The following OSBPL1A variants were observed in gnomAD, a reference collection of about 807,000 sequenced individuals.
OSBPL1A encodes the protein oxysterol-binding protein-related protein 1.
A neutral mutation model predicts 137.1 loss-of-function variants in OSBPL1A; 80 were observed. The observed-to-expected ratio is 0.58, with a 90% CI of 0.49 to 0.70. OSBPL1A has a LOEUF of 0.70. Among genes scored for constraint, OSBPL1A ranks in the 30% least tolerant of loss-of-function variants. The probability of loss-of-function intolerance (pLI) is 0.00; values close to 1 mark genes in which losing one functional copy is unlikely to be tolerated. For synonymous variants in OSBPL1A, 365 were observed against 389.7 expected (o/e 0.94, Z 0.75); for missense variants, 970 against 1,129.4 (o/e 0.86, Z 2.02).
intron 14 of OSBPL1A, among the ~76,000 whole-genome samples, chr18:24,301,547 C>G (rs913046714): frequency 6.6e-6 from 1 of 152,160 alleles, no homozygotes; most frequent in Non-Finnish European, 1.5e-5. Context: ...TTTAAAAGCT[C>G]AATGACAGTC....
chr18:24,164,958 G>C (rs1275144722), intron 27 of OSBPL1A, 107 bp downstream of exon 27: 3 of 1,117,922 alleles, frequency 2.7e-6, no homozygotes, highest in African/African-American at 3.1e-5. Context: ...CAGGGTTTGT[G>C]TTAGATAGGC....
chr18:24,234,969 G>T (rs892547350), intron 16 of OSBPL1A, among the ~76,000 whole-genome samples: 2 of 152,144 alleles, frequency 1.3e-5, no homozygotes, highest in African/African-American at 4.8e-5. Flanking sequence ...CTGAGGCCTG[G>T]AGGAGGCACT....
Position 24,165,122 on chromosome 18 carries a change from T to C in OSBPL1A, c.2693A>G (p.Glu898Gly). The change falls in exon 27 of 28, where the codon GAA becomes GGA. Residue 898 changes from glutamate (E) to glycine (G), a missense_variant. Glu to Gly is a moderately conservative substitution (Grantham distance 98, BLOSUM62 -2). Around this residue, in one of 2 missense-constraint regions of OSBPL1A, gnomAD observed 323 missense variants for 456.8 expected, o/e 0.71. Coordinates refer to ENST00000319481, the MANE Select transcript of OSBPL1A (RefSeq NM_080597.4). ...GTTTTTGCGGGCTGCTCTTTGTTTT[T>C]CCTCAAGTCGTTTTTTTTCTTCACT... ...QASEEKKRLE[E>G]KQRAARKNRS... The C allele has an allele frequency of 6.2e-7, 1 of 1,614,212 alleles. No homozygotes were observed. Among genetic ancestry groups the C allele is most frequent in the South Asian group, 1.1e-5 (1 of 91,088 alleles).
intron 4 of OSBPL1A, among the ~76,000 whole-genome samples, chr18:24,346,239 C>A (rs529671475): frequency 1.3e-5 from 2 of 152,298 alleles, no homozygotes; most frequent in South Asian, 4.1e-4. Flanking sequence ...GTCACCATCA[C>A]ACAAGTCATC....
intron 15 of OSBPL1A, among the ~76,000 whole-genome samples, chr18:24,260,871 CAT>C (rs2089431063): frequency 6.7e-6 from 1 of 148,350 alleles, no homozygotes; most frequent in South Asian, 2.1e-4. Context: ...ATGCATTTAT[CAT>C]ATGACCTATG....
intron 16 of OSBPL1A, among the ~76,000 whole-genome samples, chr18:24,231,062 AG>A (rs1483372431): frequency 6.6e-6 from 1 of 152,182 alleles, no homozygotes; most frequent in Non-Finnish European, 1.5e-5. Context: ...ACTGGGCAAC[AG>A]AGCGAGACCC....
At chr18:24,279,395 C>A (rs1246716221) in intron 15 of OSBPL1A, among the ~76,000 whole-genome samples, 1 of 151,906 alleles carries the variant, frequency 6.6e-6, no homozygotes, top group Non-Finnish European at 1.5e-5. Flanking sequence ...CGCTACTGTA[C>A]TCCAGCCTGG....
chr18:24,343,155 T>G (rs2091297509), intron 4 of OSBPL1A, among the ~76,000 whole-genome samples: 1 of 151,650 alleles, frequency 6.6e-6, no homozygotes, highest in South Asian at 2.1e-4. Context: ...ACAACCCAAT[T>G]AAAAATGGGC....
At chr18:24,390,970 C>T (rs994965796) in intron 1 of OSBPL1A, among the ~76,000 whole-genome samples, 8 of 151,898 alleles carry the variant, frequency 5.3e-5, no homozygotes, top group African/African-American at 9.7e-5. Context: ...TGTGGCGGTG[C>T]GTGCCTGTAG....
At chr18:24,373,658 G>C (rs1306659999) in intron 2 of OSBPL1A, among the ~76,000 whole-genome samples, 1 of 152,038 alleles carries the variant, frequency 6.6e-6, no homozygotes, top group Non-Finnish European at 1.5e-5. Context: ...TCTCTATGTT[G>C]ACTGTTAACC....
intron 4 of OSBPL1A, among the ~76,000 whole-genome samples, chr18:24,354,471 C>G (rs1047456731): frequency 2.0e-5 from 3 of 152,018 alleles, no homozygotes; most frequent in Admixed American, 6.6e-5. Context: ...AGAGGTAACA[C>G]CGAATTTGGA....
At chr18:24,333,203 G>A in intron 6 of OSBPL1A, 117 bp from the exon 7 acceptor site, 1 of 1,135,908 alleles carries the variant, frequency 8.8e-7, no homozygotes, top group Non-Finnish European at 1.2e-6. Flanking sequence ...TTGGCATCCA[G>A]GCTGTTAGTG....
In OSBPL1A at chr18:24,178,105, G is replaced by A; in HGVS notation, c.2001C>T (p.Phe667=). 1 of 1,609,756 alleles carries A rather than the reference G, an allele frequency of 6.2e-7. No individual in the cohort carries two copies. The highest frequency in any genetic ancestry group is 8.5e-7 in the Non-Finnish European group (1 of 1,177,656). ...TGGGATAGATAGAGCCATGAAAGATGAAGTCATTGTTTAATCCTTCAGCAT... is the reference window on the plus strand; with the variant it reads ...TGGGATAGATAGAGCCATGAAAGATAAAGTCATTGTTTAATCCTTCAGCAT... ...AFHAEGLNND[F]IFHGSIYPKL... Residue 667 remains phenylalanine (F), a synonymous_variant, in exon 21 of 28, where the codon TTC becomes TTT. Transcript: ENST00000319481.
intron 14 of OSBPL1A, among the ~76,000 whole-genome samples, chr18:24,301,988 A>G (rs1374461510): frequency 6.6e-6 from 1 of 152,074 alleles, no homozygotes. Context: ...CAGCACTTTG[A>G]GAGGCCAACG....
intron 2 of OSBPL1A, among the ~76,000 whole-genome samples, chr18:24,370,642 T>C (rs1465389913): frequency 6.6e-6 from 1 of 152,190 alleles, no homozygotes. Context: ...CCAGACTTTC[T>C]TTTCAACTTA....
intron 13 of OSBPL1A, among the ~76,000 whole-genome samples, chr18:24,309,338 A>C (rs905560649): frequency 4.6e-5 from 7 of 152,130 alleles, no homozygotes; most frequent in Admixed American, 4.6e-4. Flanking sequence ...CTGAAAAACT[A>C]ACTCACTCTC....
intron 4 of OSBPL1A, among the ~76,000 whole-genome samples, chr18:24,350,125 G>A (rs114180370): frequency 0.011 from 1,740 of 152,054 alleles, 31 homozygotes; most frequent in African/African-American, 0.038. Context: ...TAGCTAGTGT[G>A]GCCCCTTTAG....
chr18:24,254,254 G>A (rs2089199025), intron 15 of OSBPL1A, among the ~76,000 whole-genome samples: 1 of 152,068 alleles, frequency 6.6e-6, no homozygotes, highest in Non-Finnish European at 1.5e-5. Flanking sequence ...AATTGCCGGA[G>A]GTCACAACAC....
chr18:24,326,455 CA>C (rs1226905372), intron 7 of OSBPL1A, among the ~76,000 whole-genome samples: 6 of 152,230 alleles, frequency 3.9e-5, no homozygotes, highest in African/African-American at 1.2e-4. Context: ...ACGCCTGACA[CA>C]AGCAGGTACT....
Sources: allele counts gnomAD v4.1 joint callset (sites outside exome capture counted in the v4.1 genomes callset), GRCh38; gene constraint gnomAD v4.1.1; regional missense constraint gnomAD v4.1.1; transcripts MANE v1.5; gene names NCBI Gene and HGNC (gene_info 2026-07-23, HGNC 2026-07-21).